The following PPP1R37 variants were observed in gnomAD, a reference collection of about 807,000 sequenced individuals.
PPP1R37 encodes the protein leucine rich repeat containing 68.
PPP1R37 carries 21 observed loss-of-function variants against 61.0 expected under a neutral mutation model. The observed-to-expected ratio is 0.34, with a 90% CI of 0.24 to 0.50. PPP1R37 has a LOEUF of 0.50. PPP1R37 is among the 20% of genes least tolerant of loss of function. The probability of loss-of-function intolerance (pLI) is 0.98; values close to 1 mark genes in which losing one functional copy is unlikely to be tolerated. For synonymous variants in PPP1R37, 443 were observed against 433.5 expected, an observed-to-expected ratio of 1.02 and a Z score of -0.27; for missense variants, 910 against 952.7, an observed-to-expected ratio of 0.96 and a Z score of 0.59.
intron 1 of PPP1R37, among the ~76,000 whole-genome samples, chr19:45,101,718 A>C (rs1383802437): frequency 1.2e-5 from 1 of 81,320 alleles, no homozygotes; most frequent in Non-Finnish European, 2.7e-5. Flanking sequence ...ACCCTGTCTC[A>C]AAAGAAAAAG....
intron 1 of PPP1R37, among the ~76,000 whole-genome samples, chr19:45,124,987 A>G (rs76455395): frequency 0.01 from 1,574 of 152,098 alleles, 26 homozygotes; most frequent in African/African-American, 0.036. Flanking sequence ...GTTTTGGGAA[A>G]TGTTTACCAG....
Position 45,144,852 on chromosome 19 carries a change from A to T in PPP1R37, c.988-2A>T. On this transcript the variant is annotated splice_acceptor_variant, in intron 8 of 12. Coordinates refer to ENST00000221462, the MANE Select transcript of PPP1R37 (RefSeq NM_019121.2). LOFTEE classifies it high-confidence loss of function. ...CCTCACCCTCACACCCCCTCCCTCCAGCCGCACACTCAGAGCCTGGAGACG... is the reference window on the plus strand; with the variant it reads ...CCTCACCCTCACACCCCCTCCCTCCTGCCGCACACTCAGAGCCTGGAGACG... 1.3e-6 allele frequency: 2 copies of T among 1,527,508 alleles called. No individual in the cohort carries two copies. Among genetic ancestry groups the T allele is most frequent in the Non-Finnish European group, 1.8e-6 (2 of 1,141,968 alleles). The allele number at this position is 1,527,508 out of a possible 1,614,324, so 94.6% of individuals were successfully genotyped here. A position where few individuals can be genotyped will look rare whatever the true frequency, so the allele number is the denominator to read the frequency against.
chr19:45,130,865 A>G lies in PPP1R37; in HGVS notation c.203-7649A>G, dbSNP rs1968467698. Among the ~76,000 whole-genome samples the G allele has an allele frequency of 6.6e-6, 1 of 152,132 alleles. No homozygotes were observed. Among genetic ancestry groups the G allele is most frequent in the Non-Finnish European group, 1.5e-5 (1 of 68,016 alleles). On this transcript the variant is annotated intron_variant, in intron 1 of 12. Coordinates refer to ENST00000221462, the MANE Select transcript of PPP1R37 (RefSeq NM_019121.2). The surrounding 1 kb of genome is among the most constrained non-coding windows in gnomAD (Gnocchi z 4.4). The stretch of plus-strand genomic sequence containing the variant: ...GAGCAGCCCTAAATATTCCTGCTCC[A>G]GGCTTGTCTGGACTTCCTCCCTCCC...
At position 45,143,509 on chromosome 19, in the gene PPP1R37, G is replaced by A. The variant is rs761147567; in HGVS notation, c.875-12G>A. On this transcript the variant is annotated splice_polypyrimidine_tract_variant and intron_variant, in intron 7 of 12. Transcript: ENST00000221462. ...GACCCCAGACAGGGCTCTGACTGCCGGCCTCCTCCAGGTCTGGCCTACATC... is the reference window on the plus strand; with the variant it reads ...GACCCCAGACAGGGCTCTGACTGCCAGCCTCCTCCAGGTCTGGCCTACATC... 8.0e-6 allele frequency: 12 copies of A among 1,504,130 alleles called. No homozygotes were observed. Among genetic ancestry groups the A allele is most frequent in the South Asian group, 4.8e-5 (4 of 83,414 alleles). The allele number at this position is 1,504,130 out of a possible 1,614,324, so 93.2% of individuals were successfully genotyped here.
rs1012034858 is a variant in PPP1R37, at chr19:45,144,843, C to A, written c.988-11C>A. 2.0e-6 allele frequency: 3 copies of A among 1,525,156 alleles called. No homozygotes were observed. Among genetic ancestry groups the A allele is most frequent in the African/African-American group, 1.4e-5 (1 of 72,620 alleles). 94.5% of individuals were successfully genotyped at this position (1,525,156 alleles called of 1,614,324 possible). Reference sequence around the variant, plus strand: ...CGGCCTCCTCCTCACCCTCACACCCCCTCCCTCCAGCCGCACACTCAGAGC... The same window carrying A: ...CGGCCTCCTCCTCACCCTCACACCCACTCCCTCCAGCCGCACACTCAGAGC... On this transcript the variant is annotated splice_polypyrimidine_tract_variant and intron_variant, in intron 8 of 12. Transcript: ENST00000221462.
chr19:45,094,442 G>A (rs1334733347), intron 1 of PPP1R37, among the ~76,000 whole-genome samples: 1 of 152,196 alleles, frequency 6.6e-6, no homozygotes, highest in Non-Finnish European at 1.5e-5. Flanking sequence ...AGAATTGGGG[G>A]ATGGCCGGGT....
chr19:45,102,866 C>T (rs545697828), intron 1 of PPP1R37, among the ~76,000 whole-genome samples: 2 of 152,228 alleles, frequency 1.3e-5, no homozygotes, highest in African/African-American at 4.8e-5. Flanking sequence ...CACAGCACCT[C>T]CAGGGCTGAG....
intron 1 of PPP1R37, 124 bp from the exon 2 acceptor site, chr19:45,138,390 G>T: frequency 1.5e-6 from 1 of 670,676 alleles, no homozygotes; most frequent in East Asian, 2.8e-5. Flanking sequence ...AGCTCAGGCA[G>T]CCTGTTGTTG....
Position 45,142,082 on chromosome 19 carries a change from G to A in PPP1R37, c.589G>A (p.Asp197Asn), listed in dbSNP as rs1423407181. The change falls in exon 6 of 13, where the codon GAC becomes AAC. Residue 197 changes from aspartate to asparagine, a missense_variant. By Grantham distance (23) the Asp-to-Asn change is conservative. Around this residue, in one of 3 missense-constraint regions of PPP1R37, gnomAD observed 280 missense variants for 382.2 expected, o/e 0.73. Transcript: ENST00000221462. Reference protein sequence around the residue: ...MRKTSCLQYLDARNTPLLDHS... With the variant: ...MRKTSCLQYLNARNTPLLDHS... ...GCAGACGAGCTGCCTGCAGTATCTG[G>A]ACGCCCGCAACACGCCCCTGCTGGA... The A allele has an allele frequency of 1.3e-6, 2 of 1,526,396 alleles. No homozygotes were observed. The highest frequency in any genetic ancestry group is 2.4e-5 in the South Asian group (2 of 83,276). 94.6% of individuals were successfully genotyped at this position (1,526,396 alleles called of 1,614,324 possible).
chr19:45,143,123 C>G (rs1968636017), intron 7 of PPP1R37: 1 of 176,950 alleles, frequency 5.7e-6, no homozygotes, highest in African/African-American at 2.4e-5. Context: ...CGGAGGGAGA[C>G]ACAGGGCTCT....
At chr19:45,122,730 G>A (rs1429404056) in intron 1 of PPP1R37, among the ~76,000 whole-genome samples, 1 of 152,058 alleles carries the variant, frequency 6.6e-6, no homozygotes, top group Non-Finnish European at 1.5e-5. Flanking sequence ...AAGACCCTGA[G>A]GCACTGTGTC....
At chr19:45,134,436 C>A (rs1968514452) in intron 1 of PPP1R37, among the ~76,000 whole-genome samples, 1 of 152,172 alleles carries the variant, frequency 6.6e-6, no homozygotes, top group Admixed American at 6.5e-5. Flanking sequence ...AACTTCCTCT[C>A]TGATCTGCCC....
chr19:45,128,115 A>G (rs961865866), intron 1 of PPP1R37, among the ~76,000 whole-genome samples: 1 of 152,188 alleles, frequency 6.6e-6, no homozygotes, highest in Non-Finnish European at 1.5e-5. Context: ...TAAACATTTT[A>G]AAAAATGTAT....
chr19:45,119,353 C>T (rs1048505674), intron 1 of PPP1R37, among the ~76,000 whole-genome samples: 7 of 152,106 alleles, frequency 4.6e-5, no homozygotes, highest in East Asian at 3.9e-4. Flanking sequence ...GGGTTTTGCC[C>T]TGTTGGCCCG....
chr19:45,144,536 G>GT (rs1244301776), intron 8 of PPP1R37: 1 of 376,296 alleles, frequency 2.7e-6, no homozygotes, highest in Non-Finnish European at 4.7e-6. Context: ...CGGGATAAGA[G>GT]TTGCCCTCCT....
Position 45,146,909 on chromosome 19 carries a change from G to A in PPP1R37, c.*347G>A, listed in dbSNP as rs1216978636. On this transcript the variant is annotated 3_prime_UTR_variant, in exon 13 of 13. Coordinates refer to ENST00000221462, the MANE Select transcript of PPP1R37 (RefSeq NM_019121.2). ...AGGGCAGGCGTCCTGGGTGGTGGTG[G>A]GATGGTCCCCTGTGGCCCCGGGCAC... 5.8e-6 allele frequency: 1 copy of A among 172,988 alleles called. No homozygotes were observed. Among genetic ancestry groups the A allele is most frequent in the African/African-American group, 2.4e-5 (1 of 41,680 alleles). 10.7% of individuals were successfully genotyped at this position (172,988 alleles called of 1,614,324 possible). A position where few individuals can be genotyped will look rare whatever the true frequency, so the allele number is the denominator to read the frequency against.
At chr19:45,104,629 T>A (rs1968106660) in intron 1 of PPP1R37, among the ~76,000 whole-genome samples, 1 of 152,024 alleles carries the variant, frequency 6.6e-6, no homozygotes, top group South Asian at 2.1e-4. Flanking sequence ...AGCCACAGCA[T>A]TCTTGAAAAA....
intron 3 of PPP1R37, 78 bp from the exon 4 acceptor site, chr19:45,140,428 G>GGGGGGGGGGT: frequency 7.8e-7 from 1 of 1,274,276 alleles, no homozygotes; most frequent in East Asian, 2.6e-5. Flanking sequence ...GGGGGTGGGA[G>GGGGGGGGGGT]GTTGGGGGCA....
chr19:45,144,791 T>TGGCCTCCTGGGTCTCCTCCGCCATCAC, intron 8 of PPP1R37, 63 bp from the exon 9 acceptor site: 1 of 1,388,098 alleles, frequency 7.2e-7, no homozygotes, highest in Non-Finnish European at 9.6e-7. Context: ...TTTCCTGACT[T>TGGCCTCCTGGGTCTCCTCCGCCATCAC]GGCCTCCTGG....
Sources: gnomAD v4.1 joint callset for allele counts (sites outside exome capture counted in the v4.1 genomes callset) on GRCh38, gnomAD v4.1.1 for gene constraint, gnomAD v4.1.1 regional missense constraint, Gnocchi (gnomAD v3.1) non-coding constraint, MANE v1.5 for transcripts, NCBI Gene and HGNC (gene_info 2026-07-23, HGNC 2026-07-21) for gene names.